MDGA1: variants seen among roughly 807,000 people sequenced by gnomAD.
MDGA1 encodes the protein MAM domain containing glycosylphosphatidylinositol anchor 1.
Under a neutral mutation model 101.5 loss-of-function variants are expected in MDGA1, and 54 were observed. The ratio of observed to expected loss-of-function variants is 0.53; its 90% CI spans 0.43 to 0.67. The LOEUF (loss-of-function observed/expected upper bound fraction) is 0.67. MDGA1 is among the 30% of genes least tolerant of loss of function. The probability of loss-of-function intolerance (pLI) is 0.00; values close to 1 mark genes in which losing one functional copy is unlikely to be tolerated. For synonymous variants in MDGA1, 533 were observed against 558.3 expected (o/e 0.95, Z 0.64); for missense variants, 1,083 against 1,323.8 (o/e 0.82, Z 2.82).
intron 14 of MDGA1, among the ~76,000 whole-genome samples, chr6:37,641,182 C>G (rs1039334650): frequency 5.3e-5 from 8 of 152,202 alleles, no homozygotes; most frequent in Non-Finnish European, 1.2e-4. Flanking sequence ...CTCATTTCAT[C>G]CCAGGCAGGT....
chr6:37,638,589 C>G lies in MDGA1; in HGVS notation c.2615G>C (p.Gly872Ala). 1.9e-5 allele frequency: 30 copies of G among 1,614,014 alleles called. No homozygotes were observed. The highest frequency in any genetic ancestry group is 2.5e-5 in the Non-Finnish European group (30 of 1,179,886). ...THAWSLSGNK[G>A]NVWQQAHVPI... ...CACATGGGCCTGCTGCCACACATTGCCCTTATTGCCACTGAGAGACCAGGC... is the reference window on the plus strand; with the variant it reads ...CACATGGGCCTGCTGCCACACATTGGCCTTATTGCCACTGAGAGACCAGGC... Residue 872 changes from glycine (G) to alanine (A), a missense_variant, in exon 15 of 17, where the codon GGC (glycine) becomes GCC (alanine). Gly to Ala is a moderately conservative substitution (Grantham distance 60, BLOSUM62 0). This residue lies in a region of MDGA1 where 657 missense variants were observed against 771.4 expected (regional missense o/e 0.85). Transcript: ENST00000434837. This position sits in a 1 kb window ranked among gnomAD's most constrained non-coding sequence, Gnocchi z 4.8.
intron 2 of MDGA1, among the ~76,000 whole-genome samples, chr6:37,662,792 A>G (rs1196647558): frequency 6.6e-6 from 1 of 152,160 alleles, no homozygotes; most frequent in African/African-American, 2.4e-5. Context: ...CACAGCCACA[A>G]TCACACATGA....
intron 1 of MDGA1, among the ~76,000 whole-genome samples, chr6:37,692,921 G>A (rs1386700518): frequency 6.6e-6 from 1 of 152,166 alleles, no homozygotes; most frequent in Non-Finnish European, 1.5e-5. Context: ...ATCCTGTAAT[G>A]TCGGATGGGA....
intron 6 of MDGA1, among the ~76,000 whole-genome samples, chr6:37,653,708 C>T (rs1443166830): frequency 1.3e-5 from 2 of 152,202 alleles, no homozygotes; most frequent in East Asian, 1.9e-4. Context: ...CAGTTAATTA[C>T]TGAGGCTGAG....
rs961593160 is a variant in MDGA1, at chr6:37,696,188, G to T, written c.67+557C>A. Reference sequence around the variant, plus strand: ...ACTGGTTCAGGGAAGGTCCGAAAAGGGATGCCGGGGTCGAAGGCGCCAGGG... The same window carrying T: ...ACTGGTTCAGGGAAGGTCCGAAAAGTGATGCCGGGGTCGAAGGCGCCAGGG... On this transcript the variant is annotated intron_variant, in intron 1 of 16. Transcript: ENST00000434837. The surrounding 1 kb of genome is among the most constrained non-coding windows in gnomAD (Gnocchi z 5.6). Among the ~76,000 whole-genome samples the T allele has an allele frequency of 3.9e-5, 6 of 152,206 alleles. No homozygotes were observed. The highest frequency in any genetic ancestry group is 8.8e-5 in the Non-Finnish European group (6 of 68,028).
At chr6:37,647,754 A>T (rs1424719088) in intron 9 of MDGA1, among the ~76,000 whole-genome samples, 1 of 151,886 alleles carries the variant, frequency 6.6e-6, no homozygotes, top group Non-Finnish European at 1.5e-5. Flanking sequence ...GGAGACAGGG[A>T]AAGTGTGGGA....
At chr6:37,662,105 G>A (rs1157804688) in intron 2 of MDGA1, among the ~76,000 whole-genome samples, 1 of 151,190 alleles carries the variant, frequency 6.6e-6, no homozygotes, top group Admixed American at 6.6e-5. Flanking sequence ...CAAGGCTGCA[G>A]TGAGCCTTAT....
In MDGA1 at chr6:37,650,455, C is replaced by T. The variant is rs1346399705; in HGVS notation, c.1313-50G>A. On this transcript the variant is annotated intron_variant, in intron 7 of 16. Coordinates refer to ENST00000434837, the MANE Select transcript of MDGA1 (RefSeq NM_153487.4). The stretch of plus-strand genomic sequence containing the variant: ...GAGAGGTAGGAGCGGAGTTAGAGCT[C>T]CCCACTGGGCTCTGCCTTCTGGCTC... 2.1e-6 allele frequency: 3 copies of T among 1,436,392 alleles called. No individual in the cohort carries two copies. In the African/African-American group the frequency reaches 4.2e-5, roughly 20 times the overall value. The allele number at this position is 1,436,392 out of a possible 1,614,324, so 89.0% of individuals were successfully genotyped here.
At position 37,642,192 on chromosome 6, in the gene MDGA1, T is replaced by G. The variant is rs1264254218; in HGVS notation, c.2536+1617A>C. On this transcript the variant is annotated intron_variant, in intron 14 of 16. Transcript: ENST00000434837. ...ACTGGTTTCTTTCTTTTTTTTTTTT[T>G]TTTTGAGACGGAGTCTTACTCTGTC... 2.7e-5 allele frequency among the ~76,000 whole-genome samples: 4 copies of G among 146,792 alleles called. No individual in the cohort carries two copies. In the South Asian group the frequency reaches 8.7e-4, roughly 32 times the overall value.
chr6:37,642,242 T>C (rs530963514), intron 14 of MDGA1, among the ~76,000 whole-genome samples: 2 of 146,484 alleles, frequency 1.4e-5, no homozygotes, highest in African/African-American at 5.1e-5. Context: ...TGCAGTGGCG[T>C]GATCTCGGCT....
At chr6:37,662,607 C>T (rs1276921796) in intron 2 of MDGA1, among the ~76,000 whole-genome samples, 1 of 144,828 alleles carries the variant, frequency 6.9e-6, no homozygotes, top group Non-Finnish European at 1.5e-5. Context: ...CTGCACTCAG[C>T]CTGGGCAACA....
chr6:37,674,935 T>G (rs553289141), intron 1 of MDGA1, among the ~76,000 whole-genome samples: 2 of 152,272 alleles, frequency 1.3e-5, no homozygotes. Context: ...CAGGCGCCTG[T>G]AATCCCAGCT....
intron 12 of MDGA1, among the ~76,000 whole-genome samples, chr6:37,645,306 G>C (rs1029290689): frequency 6.6e-6 from 1 of 152,204 alleles, no homozygotes; most frequent in East Asian, 1.9e-4. Flanking sequence ...GGCCGAGGCG[G>C]GTGGATCACC....
chr6:37,656,013 C>A (rs1183233161), intron 3 of MDGA1, 117 bp from the exon 4 acceptor site: 2 of 807,918 alleles, frequency 2.5e-6, no homozygotes, highest in Non-Finnish European at 3.8e-6. Flanking sequence ...TTCCAGATTG[C>A]CAGATGCCCT....
intron 1 of MDGA1, among the ~76,000 whole-genome samples, chr6:37,673,487 G>T (rs1305354366): frequency 6.6e-6 from 1 of 152,236 alleles, no homozygotes; most frequent in Non-Finnish European, 1.5e-5. Context: ...GCTTTCCTGG[G>T]CAGGCACCTG....
At chr6:37,691,517 A>G (rs1762308026) in intron 1 of MDGA1, among the ~76,000 whole-genome samples, 1 of 152,178 alleles carries the variant, frequency 6.6e-6, no homozygotes, top group South Asian at 2.1e-4. Flanking sequence ...AAAAACCATG[A>G]CCAAACGAAT....
chr6:37,693,201 T>C (rs1762350065), intron 1 of MDGA1, among the ~76,000 whole-genome samples: 1 of 151,998 alleles, frequency 6.6e-6, no homozygotes, highest in Admixed American at 6.5e-5. Context: ...GAAACCAAAG[T>C]TTCAAGGCAT....
rs187214315 is a variant in MDGA1 at position 37,687,197 on chromosome 6, G to A, written c.67+9548C>T. Among the ~76,000 whole-genome samples, 405 of 152,192 alleles carry A rather than the reference G, an allele frequency of 2.7e-3. 4 individuals carry two copies. The highest frequency in any genetic ancestry group is 3.2e-3 in the Non-Finnish European group (217 of 68,010). On this transcript the variant is annotated intron_variant, in intron 1 of 16. Transcript: ENST00000434837. ...AGCTGTGAGCTCCTTGGGGACAGAT[G>A]TCATTTCACCTCTGCAGCCAAGACC...
In MDGA1 at chr6:37,637,320, C is replaced by T. The variant is rs777772791; in HGVS notation, c.*48G>A. 22 of 1,509,918 alleles carry T rather than the reference C, an allele frequency of 1.5e-5. No individual in the cohort carries two copies. The South Asian group carries it at 2.5e-4, about 17-fold the overall frequency. 93.5% of individuals were successfully genotyped at this position (1,509,918 alleles called of 1,614,324 possible). A position where few individuals can be genotyped will look rare whatever the true frequency, so the allele number is the denominator to read the frequency against. ...GTCAGTCTTTGGTACAATGTGGACA[C>T]TTTGGTGTGCCGGGGGCAAGGTTGG... On this transcript the variant is annotated 3_prime_UTR_variant, in exon 17 of 17. Transcript: ENST00000434837.
Sources: allele counts gnomAD v4.1 joint callset (sites outside exome capture counted in the v4.1 genomes callset), GRCh38; gene constraint gnomAD v4.1.1; regional missense constraint gnomAD v4.1.1; non-coding constraint Gnocchi (gnomAD v3.1); transcripts MANE v1.5; gene names NCBI Gene and HGNC (gene_info 2026-07-23, HGNC 2026-07-21).